The following IDS variants were observed in gnomAD, a reference collection of about 807,000 sequenced individuals.
The protein encoded by IDS is iduronate 2-sulfatase.
A neutral mutation model predicts 33.5 loss-of-function variants in IDS; 1 was observed. That is an observed-to-expected ratio of 0.03 (90% CI 0.01 to 0.14). The LOEUF (loss-of-function observed/expected upper bound fraction) is 0.14. Ranked by LOEUF, IDS falls within the 10% of genes least tolerant of loss-of-function variation. IDS has a pLI of 1.00. For missense variants in IDS, 328 were observed against 448.0 expected (o/e 0.73, Z 2.42); for synonymous variants, 191 against 184.4 (o/e 1.04, Z -0.29).
In IDS at chrX:149,498,237, T is replaced by C. The variant is rs782169164; in HGVS notation, c.578A>G (p.Glu193Gly). The change falls in exon 5 of 9, where the codon GAG becomes GGG. Residue 193 changes from glutamate (E) to glycine (G), a missense_variant. By Grantham distance (98) the Glu-to-Gly change is moderately conservative. This residue lies in a region of IDS where 265 missense variants were observed against 339.2 expected (regional missense o/e 0.78). Transcript: ENST00000340855. ...LCPVDVLDVPEGTLPDKQSTE... is the reference protein window; with the variant it reads ...LCPVDVLDVPGGTLPDKQSTE... ...GCTCTGTTTGTCAGGCAAGGTGCCC[T>C]CGGGAACATCCAGCACATCCACAGG... is the stretch of plus-strand genomic sequence containing the variant. 5.0e-6 allele frequency: 6 copies of C among 1,211,796 alleles called. No homozygotes were observed. In the Admixed American group the frequency reaches 1.3e-4, roughly 26 times the overall value.
intron 7 of IDS, 104 bp downstream of exon 7, chrX:149,490,210 C>T: frequency 1.2e-6 from 1 of 860,900 alleles, no homozygotes; most frequent in South Asian, 2.0e-5. Context: ...CACTGGTTCA[C>T]AAAAGAGAAC....
Position 149,489,387 on chromosome X carries a change from G to A in IDS, c.1006+927C>T. Among the ~76,000 whole-genome samples, 3 of 112,081 alleles carry A rather than the reference G, an allele frequency of 2.7e-5. 1 individual carries two copies. The Middle Eastern group carries it at 0.014, about 517-fold the overall frequency. Reference sequence around the variant, plus strand: ...ACACATGTATAACATATATCCCTGTGTGCATATGTGCACAACTGATGGCTG... The same window carrying A: ...ACACATGTATAACATATATCCCTGTATGCATATGTGCACAACTGATGGCTG... On this transcript the variant is annotated intron_variant, in intron 7 of 8. Transcript: ENST00000340855.
chrX:149,480,348 C>T lies in IDS; in HGVS notation c.*2398G>A, dbSNP rs941132463. On this transcript the variant is annotated 3_prime_UTR_variant, in exon 9 of 9. Coordinates refer to ENST00000340855, the MANE Select transcript of IDS (RefSeq NM_000202.8). ...GAGTGGGGAGGAAGGGGCTGATTGC[C>T]TTTGTGACCTCACTACCAAACATAC... The T allele has an allele frequency of 2.7e-5, 8 of 295,617 alleles. No individual in the cohort carries two copies. In the Admixed American group the frequency reaches 3.7e-4, roughly 14 times the overall value. The allele number at this position is 295,617 out of a possible 1,213,427, so 24.4% of individuals were successfully genotyped here. A position where few individuals can be genotyped will look rare whatever the true frequency, so the allele number is the denominator to read the frequency against.
chrX:149,483,097 T>C lies in IDS; in HGVS notation c.1302A>G (p.Glu434=), dbSNP rs1260602802. ...VPSFHVELCR[E]GKNLLKHFRF... The stretch of plus-strand genomic sequence containing the variant: ...GAAAATGCTTCAGAAGGTTCTTGCC[T>C]TCTCTGCACAGCTCAACGTGAAATG... Residue 434 remains glutamate, a synonymous_variant, in exon 9 of 9, where the codon GAA becomes GAG. Coordinates refer to ENST00000340855, the MANE Select transcript of IDS (RefSeq NM_000202.8). 1 of 1,205,107 alleles carries C rather than the reference T, an allele frequency of 8.3e-7. No homozygotes were observed. Among genetic ancestry groups the C allele is most frequent in the Admixed American group, 2.2e-5 (1 of 45,381 alleles).
In IDS at chrX:149,504,152, C is replaced by A; in HGVS notation, c.240+5G>T. 12 of 1,206,075 alleles carry A rather than the reference C, an allele frequency of 9.9e-6. No homozygotes were observed. The highest frequency in any genetic ancestry group is 1.3e-5 in the Non-Finnish European group (12 of 891,507). ...ACACCCACAGCTAGAGGTTCCCAGA[C>A]ATACCTGCGCAAAGGCATTCTGGAA... On this transcript the variant is annotated splice_donor_5th_base_variant and intron_variant, in intron 2 of 8. Transcript: ENST00000340855.
At position 149,500,991 on chromosome X, in the gene IDS, A is replaced by T. The variant is rs149210251; in HGVS notation, c.465T>A (p.Phe155Leu). 1,591 of 1,183,684 alleles carry T rather than the reference A, an allele frequency of 1.3e-3. 10 individuals carry two copies. The African/African-American group carries it at 0.025, about 19-fold the overall frequency. ...TCTCAGAGGAAGGATGATAAGGTGG[A>T]AAAGACCAGCTATACGGAGAATCAT... ...HTDDSPYSWS[F>L]PPYHPSSEKY... is the part of the protein sequence containing the mutation. Residue 155 changes from phenylalanine to leucine, a missense_variant, in exon 4 of 9, where the codon TTT (phenylalanine) becomes TTA (leucine). By Grantham distance (22) the Phe-to-Leu change is conservative. Coordinates refer to ENST00000340855, the MANE Select transcript of IDS (RefSeq NM_000202.8).
At chrX:149,496,913 C>T (rs893510406) in intron 5 of IDS, among the ~76,000 whole-genome samples, 3 of 112,131 alleles carry the variant, frequency 2.7e-5, no homozygotes, top group African/African-American at 6.5e-5. Flanking sequence ...TCACTCACAG[C>T]TATGACTTAT....
At chrX:149,504,971 A>G in intron 1 of IDS, 64 bp downstream of exon 1, 2 of 817,508 alleles carry the variant, frequency 2.4e-6, no homozygotes, top group Non-Finnish European at 3.7e-6. Flanking sequence ...GGAAGGAAAG[A>G]AGGAAGGAGG....
chrX:149,485,822 T>A (rs782343637), intron 8 of IDS, among the ~76,000 whole-genome samples: 2 of 111,764 alleles, frequency 1.8e-5, no homozygotes, highest in Admixed American at 1.9e-4. Flanking sequence ...TTTCTATCAA[T>A]GACATGAAAG....
intron 3 of IDS, chrX:149,502,125 A>G (rs1557340058): frequency 1.5e-5 from 5 of 331,200 alleles, no homozygotes; most frequent in Admixed American, 9.3e-5. Context: ...CAATGCTAAC[A>G]GAAAAAGGTC....
chrX:149,483,920 GTGAC>G, intron 8 of IDS, among the ~76,000 whole-genome samples: 1 of 112,606 alleles, frequency 8.9e-6, no homozygotes, highest in Non-Finnish European at 1.9e-5. Flanking sequence ...TTGTCCTTTT[GTGAC>G]TGACTTTTTT....
At chrX:149,500,056 C>G (rs1218364330) in intron 4 of IDS, among the ~76,000 whole-genome samples, 4 of 111,697 alleles carry the variant, frequency 3.6e-5, no homozygotes, top group Non-Finnish European at 5.6e-5. Context: ...CCTCAGACCA[C>G]TTGTTCATCA....
Position 149,505,066 on chromosome X carries a change from G to A in IDS, c.72C>T (p.Leu24=), listed in dbSNP as rs781800570. The part of the protein sequence containing the change: ...GLVLSSVCVA[L]GSETQANSTT... ...TCGAGTTGGCCTGCGTTTCGGATCC[G>A]AGGGCGACGCAGACGGAGCTCAGAA... is the stretch of plus-strand genomic sequence containing the variant. The change falls in exon 1 of 9, where the codon CTC becomes CTT. Residue 24 remains leucine, a synonymous_variant. Coordinates refer to ENST00000340855, the MANE Select transcript of IDS (RefSeq NM_000202.8). The A allele has an allele frequency of 2.5e-6, 3 of 1,209,390 alleles. No individual in the cohort carries two copies. The highest frequency in any genetic ancestry group is 1.8e-5 in the South Asian group (1 of 56,852).
intron 3 of IDS, chrX:149,503,049 C>T: frequency 9.8e-7 from 1 of 1,025,313 alleles, no homozygotes; most frequent in East Asian, 3.3e-5. Flanking sequence ...CTGTGTCCTC[C>T]CTACCACCCG....
At chrX:149,484,373 G>A (rs1254796135) in intron 8 of IDS, among the ~76,000 whole-genome samples, 10 of 112,478 alleles carry the variant, frequency 8.9e-5, no homozygotes, top group Admixed American at 7.5e-4. Context: ...ATGGAGTTCA[G>A]TGGCGCAATC....
At chrX:149,498,341 T>A in intron 4 of IDS, 34 bp from the exon 5 acceptor site, 1 of 1,112,866 alleles carries the variant, frequency 9.0e-7, no homozygotes, top group East Asian at 3.0e-5. Context: ...ATCAGCTTTT[T>A]AAGTGCAAGA....
intron 4 of IDS, among the ~76,000 whole-genome samples, chrX:149,500,354 C>T (rs181596805): frequency 7.1e-4 from 80 of 112,192 alleles, no homozygotes; most frequent in Admixed American, 1.3e-3. Context: ...CTTCCCAACA[C>T]GATGTTTACT....
rs2089275394 is a variant in IDS at position 149,478,013 on chromosome X, G to A, written c.*4733C>T. The A allele has an allele frequency of 8.9e-6, 1 of 112,029 alleles. No homozygotes were observed. The highest frequency in any genetic ancestry group is 1.9e-5 in the Non-Finnish European group (1 of 53,201). The allele number at this position is 112,029 out of a possible 1,213,427, so 9.2% of individuals were successfully genotyped here. ...CCAGAATTCAAGAGATTCCTCTGAA[G>A]AGCTATAACCTGCAGGATGGACTTG... On this transcript the variant is annotated 3_prime_UTR_variant, in exon 9 of 9. Coordinates refer to ENST00000340855, the MANE Select transcript of IDS (RefSeq NM_000202.8).
chrX:149,490,390 C>G lies in IDS; in HGVS notation c.930G>C (p.Gln310His). The change falls in exon 7 of 9, where the codon CAG becomes CAC. Residue 310 changes from glutamine (Q) to histidine (H), a missense_variant. Physicochemically the swap from Gln to His is conservative, Grantham distance 24. Around this residue, in one of 4 missense-constraint regions of IDS, gnomAD observed 265 missense variants for 339.2 expected, o/e 0.78. Coordinates refer to ENST00000340855, the MANE Select transcript of IDS (RefSeq NM_000202.8). ...YFASVSYLDT[Q>H]VGRLLSALDD... The stretch of plus-strand genomic sequence containing the variant: ...CCAAAGCACTCAAGAGGCGGCCGAC[C>G]TGTGTATCCAAATATGACACAGAGG... 3 of 1,210,661 alleles carry G rather than the reference C, an allele frequency of 2.5e-6. No individual in the cohort carries two copies. The highest frequency in any genetic ancestry group is 3.4e-6 in the Non-Finnish European group (3 of 894,357).
Sources: allele counts gnomAD v4.1 joint callset (sites outside exome capture counted in the v4.1 genomes callset), GRCh38; gene constraint gnomAD v4.1.1; regional missense constraint gnomAD v4.1.1; transcripts MANE v1.5; gene names NCBI Gene and HGNC (gene_info 2026-07-23, HGNC 2026-07-21).